Variants in ZSCAN10 observed in about 807,000 individuals in gnomAD.
ZSCAN10 encodes zinc finger and SCAN domain containing 10.
A neutral mutation model predicts 63.7 loss-of-function variants in ZSCAN10; 52 were observed. The observed-to-expected ratio is 0.82, with a 90% CI of 0.65 to 1.03. The LOEUF (loss-of-function observed/expected upper bound fraction) is 1.03, where lower values mean the gene tolerates loss of function less well. Among genes scored for constraint, ZSCAN10 ranks in the 50% least tolerant of loss-of-function variants. The pLI, the probability that ZSCAN10 is intolerant of heterozygous loss-of-function variation, is 0.00. For synonymous variants in ZSCAN10, 544 were observed against 479.6 expected (o/e 1.13, Z -1.76); for missense variants, 1,223 against 1,103.8 (o/e 1.11, Z -1.53).
chr16:3,090,592 C>T lies in ZSCAN10; in HGVS notation c.842G>A (p.Gly281Glu), dbSNP rs1957060600. 1 of 1,562,644 alleles carries T rather than the reference C, an allele frequency of 6.4e-7. No homozygotes were observed. Among genetic ancestry groups the T allele is most frequent in the Non-Finnish European group, 8.7e-7 (1 of 1,154,048 alleles). Reference sequence around the variant, plus strand: ...TAAGATGGGAGTGGGCCAGGCAGCCCCTTTGGGCTCTTCTTGTTTAAATTC... The same window carrying T: ...TAAGATGGGAGTGGGCCAGGCAGCCTCTTTGGGCTCTTCTTGTTTAAATTC... ...KEEFKQEEPK[G>E]AAWPTPILAE... The change falls in exon 6 of 6, where the codon GGG becomes GAG. Residue 281 changes from glycine (G) to glutamate (E), a missense_variant. Physicochemically the swap from Gly to Glu is moderately conservative, Grantham distance 98 (BLOSUM62 -2). Coordinates refer to ENST00000576985, the MANE Select transcript of ZSCAN10 (RefSeq NM_032805.3).
rs954283488 is a variant in ZSCAN10 at position 3,089,644 on chromosome 16, A to C, written c.1790T>G (p.Leu597Arg). The C allele has an allele frequency of 1.3e-6, 2 of 1,589,886 alleles. No homozygotes were observed. Among genetic ancestry groups the C allele is most frequent in the African/African-American group, 2.7e-5 (2 of 74,024 alleles). ...GGGCCGAGGGCCACCGTGGGTCAGC[A>C]GGTGGCGGGCAAGGCTGGCCCGGCG... ...FVRRASLARH[L>R]LTHGGPRPHH... The change falls in exon 6 of 6, where the codon CTG becomes CGG. Residue 597 changes from leucine to arginine, a missense_variant. Physicochemically the swap from Leu to Arg is moderately radical, Grantham distance 102 (BLOSUM62 -2). Transcript: ENST00000576985.
chr16:3,091,276 TCTG>T (rs1957070696), intron 5 of ZSCAN10, among the ~76,000 whole-genome samples: 1 of 152,002 alleles, frequency 6.6e-6, no homozygotes, highest in African/African-American at 2.4e-5. Flanking sequence ...TGTGCCACAG[TCTG>T]GGCGAGTAAC....
In ZSCAN10 at chr16:3,092,895, G is replaced by C. The variant is rs1333770203; in HGVS notation, c.43C>G (p.Leu15Val). ...SVPAAVEQEQ[L>V]GEVKLEEEEA... The stretch of plus-strand genomic sequence containing the variant: ...TCCTCCTCCAGCTTGACTTCCCCCA[G>C]CTGCTCCTGCTCCACGGCAGCTGGG... The change falls in exon 2 of 6, where the codon CTG (leucine) becomes GTG (valine). Residue 15 changes from leucine to valine, a missense_variant. By Grantham distance (32) the Leu-to-Val change is conservative (BLOSUM62 1). Transcript: ENST00000576985. 3.7e-5 allele frequency: 53 copies of C among 1,440,854 alleles called. No homozygotes were observed. Among genetic ancestry groups the C allele is most frequent in the Non-Finnish European group, 4.7e-5 (52 of 1,095,946 alleles). The allele number at this position is 1,440,854 out of a possible 1,614,324, so 89.3% of individuals were successfully genotyped here.
chr16:3,093,386 G>C (rs973188390), intron 1 of ZSCAN10: 1 of 152,226 alleles, frequency 6.6e-6, no homozygotes, highest in Non-Finnish European at 1.5e-5. Flanking sequence ...CAATTAGCCA[G>C]GCTAATTTAG....
chr16:3,090,216 G>A lies in ZSCAN10; in HGVS notation c.1218C>T (p.Cys406=). 1 of 1,606,504 alleles carries A rather than the reference G, an allele frequency of 6.2e-7. No individual in the cohort carries two copies. The stretch of plus-strand genomic sequence containing the variant: ...GGCGGAAGCGGTGGCCGCACAGGTG[G>A]CAGGCGTGCGGCCGCTCGTCCGTGT... The part of the protein sequence containing the change: ...RTHTDERPHA[C]HLCGHRFRQS... The change falls in exon 6 of 6, where the codon TGC becomes TGT. Residue 406 remains cysteine, a synonymous_variant. Coordinates refer to ENST00000576985, the MANE Select transcript of ZSCAN10 (RefSeq NM_032805.3).
rs548986608 is a variant in ZSCAN10 at position 3,093,901 on chromosome 16, GT to G, written c.-67-898del. ...GAGTTTCACCATGTTGGCTGGGCTG[GT>G]CTTGAACTCCTGACCTCAAGTGATC... On this transcript the variant is annotated intron_variant, in intron 1 of 5. Coordinates refer to ENST00000576985, the MANE Select transcript of ZSCAN10 (RefSeq NM_032805.3). Among the ~76,000 whole-genome samples the G allele has an allele frequency of 1.7e-3, 253 of 152,100 alleles. 1 individual carries two copies. Among genetic ancestry groups the G allele is most frequent in the African/African-American group, 6.0e-3 (248 of 41,500 alleles).
At chr16:3,095,684 C>T (rs958000298) in intron 1 of ZSCAN10, among the ~76,000 whole-genome samples, 9 of 151,500 alleles carry the variant, frequency 5.9e-5, no homozygotes, top group East Asian at 3.9e-4. Flanking sequence ...AAAAATCAGT[C>T]GGGCGCAGTG....
chr16:3,089,190 G>T lies in ZSCAN10; in HGVS notation c.2244C>A (p.Gly748=), dbSNP rs1229266412. 1.3e-6 allele frequency: 2 copies of T among 1,578,416 alleles called. No individual in the cohort carries two copies. Among genetic ancestry groups the T allele is most frequent in the African/African-American group, 2.7e-5 (2 of 74,018 alleles). ...NLLRHLLVHT[G]ARPYSCTQCG... ...ACTGCGTGCAGGAGTAGGGCCTGGCGCCCGTGTGCACCAGCAGGTGTCGCA... is the reference window on the plus strand; with the variant it reads ...ACTGCGTGCAGGAGTAGGGCCTGGCTCCCGTGTGCACCAGCAGGTGTCGCA... Residue 748 remains glycine, a synonymous_variant, in exon 6 of 6, where the codon GGC becomes GGA. Transcript: ENST00000576985.
In ZSCAN10 at chr16:3,092,911, G is replaced by A. The variant is rs566964632; in HGVS notation, c.27C>T (p.Ala9=). 1.3e-4 allele frequency: 186 copies of A among 1,433,612 alleles called. No individual in the cohort carries two copies. Among genetic ancestry groups the A allele is most frequent in the African/African-American group, 1.2e-3 (86 of 69,218 alleles). 88.8% of individuals were successfully genotyped at this position (1,433,612 alleles called of 1,614,324 possible). MLGESVPA[A]VEQEQLGEVK... is the part of the protein sequence containing the mutation. ...CTTCCCCCAGCTGCTCCTGCTCCAC[G>A]GCAGCTGGGACTGATTCTCCAAGCA... The change falls in exon 2 of 6, where the codon GCC becomes GCT. Residue 9 remains alanine, a synonymous_variant. Transcript: ENST00000576985.
intron 3 of ZSCAN10, 25 bp downstream of exon 3, chr16:3,092,024 G>C: frequency 6.5e-7 from 1 of 1,548,464 alleles, no homozygotes; most frequent in Non-Finnish European, 8.7e-7. Flanking sequence ...CCAGTCCTTG[G>C]CCTCCTAGGG....
In ZSCAN10 at chr16:3,089,108, G is replaced by T. The variant is rs141059976; in HGVS notation, c.2326C>A (p.Arg776Ser). The T allele has an allele frequency of 9.6e-5, 145 of 1,504,086 alleles. No homozygotes were observed. In the African/African-American group the frequency reaches 1.8e-3, roughly 19 times the overall value. The allele number at this position is 1,504,086 out of a possible 1,614,324, so 93.2% of individuals were successfully genotyped here. A position where few individuals can be genotyped will look rare whatever the true frequency, so the allele number is the denominator to read the frequency against. The change falls in exon 6 of 6, where the codon CGC (arginine) becomes AGC (serine). Residue 776 changes from arginine to serine, a missense_variant. Physicochemically the swap from Arg to Ser is moderately radical, Grantham distance 110. Coordinates refer to ENST00000576985, the MANE Select transcript of ZSCAN10 (RefSeq NM_032805.3). ...GGGCCAAGCTAGTACAGCGTCTCGCGGGCGTGGGTGCGCAGGTGGCGCAGC... is the reference window on the plus strand; with the variant it reads ...GGGCCAAGCTAGTACAGCGTCTCGCTGGCGTGGGTGCGCAGGTGGCGCAGC... ...HLLRHLRTHA[R>S]ETLY is the part of the protein sequence containing the mutation.
intron 1 of ZSCAN10, 44 bp from the exon 2 acceptor site, chr16:3,093,048 C>T (rs1437593915): frequency 4.6e-6 from 6 of 1,306,506 alleles, no homozygotes; most frequent in Non-Finnish European, 5.8e-6. Flanking sequence ...TGCGAGGAAG[C>T]TGGCCCCATA....
intron 1 of ZSCAN10, among the ~76,000 whole-genome samples, chr16:3,097,900 G>A (rs1007713211): frequency 2.6e-5 from 4 of 151,976 alleles, no homozygotes; most frequent in African/African-American, 7.3e-5. Context: ...TTGTGAGGCC[G>A]GATGCGGTGG....
In ZSCAN10 at chr16:3,089,684, C is replaced by A. The variant is rs199627380; in HGVS notation, c.1750G>T (p.Gly584Trp). Residue 584 changes from glycine (G) to tryptophan (W), a missense_variant, in exon 6 of 6, where the codon GGG becomes TGG. Gly to Trp is a radical substitution (Grantham distance 184, BLOSUM62 -2). Transcript: ENST00000576985. Reference protein sequence around the residue: ...GEKPYACPQCGKRFVRRASLA... With the variant: ...GEKPYACPQCWKRFVRRASLA... ...CTGGCCCGGCGCACAAAGCGCTTCC[C>A]GCACTGCGGACAGGCGTAGGGCTTC... is the stretch of plus-strand genomic sequence containing the variant. 187 of 1,603,644 alleles carry A rather than the reference C, an allele frequency of 1.2e-4. No homozygotes were observed. The highest frequency in any genetic ancestry group is 1.5e-4 in the Non-Finnish European group (176 of 1,176,430).
At chr16:3,093,822 T>C (rs1298044006) in intron 1 of ZSCAN10, among the ~76,000 whole-genome samples, 1 of 151,664 alleles carries the variant, frequency 6.6e-6, no homozygotes, top group Non-Finnish European at 1.5e-5. Context: ...GTAGCTGGGA[T>C]TACAGGCCTG....
chr16:3,090,119 G>C lies in ZSCAN10; in HGVS notation c.1315C>G (p.Arg439Gly), dbSNP rs1428287668. The stretch of plus-strand genomic sequence containing the variant: ...AGGCTGGCGCGGCGCTGGAAGCCGC[G>C]GCCGCACTCTGCGCACAGGAAGGCG... ...EPAFLCAECG[R>G]GFQRRASLVQ... is the part of the protein sequence containing the mutation. Residue 439 changes from arginine to glycine, a missense_variant, in exon 6 of 6, where the codon CGC (arginine) becomes GGC (glycine). Arg to Gly is a moderately radical substitution (Grantham distance 125). Coordinates refer to ENST00000576985, the MANE Select transcript of ZSCAN10 (RefSeq NM_032805.3). The C allele has an allele frequency of 6.2e-7, 1 of 1,600,840 alleles. No individual in the cohort carries two copies. The highest frequency in any genetic ancestry group is 1.3e-5 in the African/African-American group (1 of 74,672).
At position 3,089,135 on chromosome 16, in the gene ZSCAN10, G is replaced by C; in HGVS notation, c.2299C>G (p.Leu767Val). ...CGRSFSRNSH[L>V]LRHLRTHARE... is the part of the protein sequence containing the mutation. ...GCGTGGGTGCGCAGGTGGCGCAGCA[G>C]GTGGGAGTTGCGGCTGAAGCTGCGG... is the stretch of plus-strand genomic sequence containing the variant. The change falls in exon 6 of 6, where the codon CTG (leucine) becomes GTG (valine). Residue 767 changes from leucine (L) to valine (V), a missense_variant. Transcript: ENST00000576985. 1 of 1,525,078 alleles carries C rather than the reference G, an allele frequency of 6.6e-7. No homozygotes were observed. Among genetic ancestry groups the C allele is most frequent in the Non-Finnish European group, 8.7e-7 (1 of 1,146,862 alleles). 94.5% of individuals were successfully genotyped at this position (1,525,078 alleles called of 1,614,324 possible).
At position 3,089,447 on chromosome 16, in the gene ZSCAN10, C is replaced by G; in HGVS notation, c.1987G>C (p.Ala663Pro). The G allele has an allele frequency of 6.2e-7, 1 of 1,605,512 alleles. No individual in the cohort carries two copies. Among genetic ancestry groups the G allele is most frequent in the Non-Finnish European group, 8.5e-7 (1 of 1,178,482 alleles). Reference protein sequence around the residue: ...QRIHTGEKPHACDTCGHRFRN... With the variant: ...QRIHTGEKPHPCDTCGHRFRN... ...AAACGGTGGCCGCAGGTGTCGCAGGCGTGGGGCTTCTCCCCTGTGTGGATG... is the reference window on the plus strand; with the variant it reads ...AAACGGTGGCCGCAGGTGTCGCAGGGGTGGGGCTTCTCCCCTGTGTGGATG... The change falls in exon 6 of 6, where the codon GCC becomes CCC. Residue 663 changes from alanine to proline, a missense_variant. Ala to Pro is a conservative substitution (Grantham distance 27). Coordinates refer to ENST00000576985, the MANE Select transcript of ZSCAN10 (RefSeq NM_032805.3).
chr16:3,097,088 ATC>A (rs1957162063), intron 1 of ZSCAN10, among the ~76,000 whole-genome samples: 1 of 124,564 alleles, frequency 8.0e-6, no homozygotes, highest in East Asian at 2.2e-4. Flanking sequence ...CAGAATGAGA[ATC>A]TGTCTCAAAA....
Sources: gnomAD v4.1 joint callset for allele counts (sites outside exome capture counted in the v4.1 genomes callset) on GRCh38, gnomAD v4.1.1 for gene constraint, MANE v1.5 for transcripts, NCBI Gene and HGNC (gene_info 2026-07-23, HGNC 2026-07-21) for gene names.